Variants in ADK observed in about 807,000 individuals in gnomAD.
ADK encodes the protein N6,N6-dimethyladenosine kinase.
A neutral mutation model predicts 44.7 loss-of-function variants in ADK; 24 were observed. The observed-to-expected ratio is 0.54, with a 90% CI of 0.39 to 0.76. The LOEUF (loss-of-function observed/expected upper bound fraction) is 0.76. Ranked by LOEUF, ADK falls within the 30% of genes least tolerant of loss-of-function variation. The probability of loss-of-function intolerance (pLI) is 0.00; values close to 1 mark genes in which losing one functional copy is unlikely to be tolerated. For synonymous variants in ADK, 128 were observed against 142.6 expected, an observed-to-expected ratio of 0.90 and a Z score of 0.73; for missense variants, 321 against 425.1, an observed-to-expected ratio of 0.76 and a Z score of 2.15.
intron 6 of ADK, among the ~76,000 whole-genome samples, chr10:74,440,581 A>T (rs1278788085): frequency 6.6e-6 from 1 of 152,168 alleles, no homozygotes; most frequent in Non-Finnish European, 1.5e-5. Context: ...CATTATGTTC[A>T]TAAATAAAAA....
rs1842354007 is a variant in ADK, at chr10:74,176,757, G to A, written c.66-24007G>A. The A allele has an allele frequency of 1.9e-6, 3 of 1,552,206 alleles. No individual in the cohort carries two copies. The South Asian group carries it at 3.5e-5, about 18-fold the overall frequency. The stretch of plus-strand genomic sequence containing the variant: ...CCGCGCGCGGGGTGTGTGAGGACGC[G>A]CTCCCAGTCGCTGAGTGCCTGAGCC... On this transcript the variant is annotated intron_variant, in intron 1 of 10. Coordinates refer to ENST00000539909, the MANE Select transcript of ADK (RefSeq NM_006721.4).
At chr10:74,194,142 A>AG (rs1469778126) in intron 1 of ADK, among the ~76,000 whole-genome samples, 1 of 152,168 alleles carries the variant, frequency 6.6e-6, no homozygotes, top group Non-Finnish European at 1.5e-5. Flanking sequence ...GGAGTCGATC[A>AG]GGAAAAACTT....
intron 10 of ADK, among the ~76,000 whole-genome samples, chr10:74,672,897 G>C (rs1235261281): frequency 6.6e-6 from 1 of 152,158 alleles, no homozygotes; most frequent in Non-Finnish European, 1.5e-5. Flanking sequence ...ATAGTCTCAT[G>C]GCTAGAGAGT....
At chr10:74,572,383 T>C (rs890047119) in intron 7 of ADK, among the ~76,000 whole-genome samples, 1 of 152,278 alleles carries the variant, frequency 6.6e-6, no homozygotes, top group African/African-American at 2.4e-5. Context: ...GCTGTTAGTC[T>C]GATGGGCTTC....
rs754686824 is a variant in ADK at position 74,589,334 on chromosome 10, T to C, written c.762+17T>C. 3.1e-6 allele frequency: 5 copies of C among 1,613,316 alleles called. No individual in the cohort carries two copies. The highest frequency in any genetic ancestry group is 3.3e-5 in the Admixed American group (2 of 59,942). On this transcript the variant is annotated intron_variant, in intron 8 of 10. Transcript: ENST00000539909. Reference sequence around the variant, plus strand: ...GGCTTTGAGGTGAGTTAACCCACAATTGCACACTAAACAGATCCTAAAGGT... The same window carrying C: ...GGCTTTGAGGTGAGTTAACCCACAACTGCACACTAAACAGATCCTAAAGGT...
chr10:74,318,012 C>T (rs939908399), intron 4 of ADK, among the ~76,000 whole-genome samples: 1 of 152,062 alleles, frequency 6.6e-6, no homozygotes, highest in African/African-American at 2.4e-5. Context: ...GATCTCTTGA[C>T]CTTGTGATCC....
At chr10:74,452,871 CAAT>C (rs1286998660) in intron 6 of ADK, among the ~76,000 whole-genome samples, 1 of 151,922 alleles carries the variant, frequency 6.6e-6, no homozygotes, top group Non-Finnish European at 1.5e-5. Context: ...AAATTTTCAA[CAAT>C]GATTAGTGGC....
chr10:74,246,642 T>C (rs1280288679), intron 3 of ADK, among the ~76,000 whole-genome samples: 14 of 152,230 alleles, frequency 9.2e-5, no homozygotes. Context: ...AATTGTCCTG[T>C]TTGGGATATT....
At chr10:74,468,956 TG>T (rs1846454472) in intron 6 of ADK, among the ~76,000 whole-genome samples, 2 of 152,064 alleles carry the variant, frequency 1.3e-5, no homozygotes, top group Admixed American at 1.3e-4. Flanking sequence ...GGGGTGTGTG[TG>T]TATGTGCATG....
chr10:74,505,723 T>C (rs1484096193), intron 6 of ADK, among the ~76,000 whole-genome samples: 1 of 152,140 alleles, frequency 6.6e-6, no homozygotes, highest in Admixed American at 6.5e-5. Flanking sequence ...TCCTTGGTGT[T>C]CTCTAAGTTG....
rs149729466 is a variant in ADK at position 74,616,756 on chromosome 10, T to A, written c.877+16263T>A. On this transcript the variant is annotated intron_variant, in intron 9 of 10. Coordinates refer to ENST00000539909, the MANE Select transcript of ADK (RefSeq NM_006721.4). Reference sequence around the variant, plus strand: ...GTTAATTGTCACCAAAGGAATTTTTTAAAAATTCCTTACTAGAGTTTTTTC... The same window carrying A: ...GTTAATTGTCACCAAAGGAATTTTTAAAAAATTCCTTACTAGAGTTTTTTC... Among the ~76,000 whole-genome samples, 17 of 152,320 alleles carry A rather than the reference T, an allele frequency of 1.1e-4. No homozygotes were observed. In the East Asian group the frequency reaches 1.2e-3, roughly 10 times the overall value.
intron 7 of ADK, among the ~76,000 whole-genome samples, chr10:74,571,256 T>G (rs1179489808): frequency 9.9e-5 from 15 of 152,230 alleles, no homozygotes; most frequent in East Asian, 3.8e-4. Context: ...TCTCTTTTTT[T>G]GTTGTGTCTC....
At chr10:74,315,355 C>T (rs1325427825) in intron 4 of ADK, among the ~76,000 whole-genome samples, 1 of 152,070 alleles carries the variant, frequency 6.6e-6, no homozygotes, top group African/African-American at 2.4e-5. Context: ...ATCTATATAT[C>T]TATACCGGTG....
intron 6 of ADK, chr10:74,516,654 G>A (rs1848596187): frequency 1.3e-5 from 2 of 152,126 alleles, no homozygotes; most frequent in African/African-American, 4.8e-5. Context: ...CTCCCAAGTA[G>A]CTGGGACTAC....
At chr10:74,243,098 A>T (rs986048989) in intron 3 of ADK, among the ~76,000 whole-genome samples, 12 of 152,196 alleles carry the variant, frequency 7.9e-5, no homozygotes, top group African/African-American at 2.4e-4. Flanking sequence ...ACCCCACGCA[A>T]TGTGGTAAGG....
At chr10:74,235,206 T>C (rs894923324) in intron 3 of ADK, among the ~76,000 whole-genome samples, 2 of 151,874 alleles carry the variant, frequency 1.3e-5, no homozygotes, top group Non-Finnish European at 2.9e-5. Context: ...TTTTTTTATC[T>C]TGTAGAGAAG....
intron 6 of ADK, among the ~76,000 whole-genome samples, chr10:74,492,113 A>G (rs1847512336): frequency 6.6e-6 from 1 of 152,114 alleles, no homozygotes; most frequent in South Asian, 2.1e-4. Flanking sequence ...TTAACCTCTA[A>G]ATACTTGAGG....
intron 3 of ADK, among the ~76,000 whole-genome samples, chr10:74,262,400 A>G (rs1846071519): frequency 2.0e-5 from 3 of 152,028 alleles, no homozygotes; most frequent in African/African-American, 7.2e-5. Context: ...TTCTTCTGTA[A>G]GATATACATG....
At chr10:74,281,929 C>T (rs1846955246) in intron 3 of ADK, among the ~76,000 whole-genome samples, 1 of 152,206 alleles carries the variant, frequency 6.6e-6, no homozygotes, top group South Asian at 2.1e-4. Flanking sequence ...TTCAGGTTGA[C>T]CTGACATTTT....
Sources: gnomAD v4.1 joint callset for allele counts (sites outside exome capture counted in the v4.1 genomes callset) on GRCh38, gnomAD v4.1.1 for gene constraint, MANE v1.5 for transcripts, NCBI Gene and HGNC (gene_info 2026-07-23, HGNC 2026-07-21) for gene names.